Variants in MRPS18C observed in about 807,000 individuals in gnomAD.
MRPS18C encodes small ribosomal subunit protein bS18m.
In MRPS18C, 21 loss-of-function variants were observed where a neutral mutation model predicts 21.0. The observed-to-expected ratio is 1.00, with a 90% CI of 0.71 to 1.44. The LOEUF (loss-of-function observed/expected upper bound fraction) is 1.44. Among genes scored for constraint, MRPS18C ranks in the 40% most tolerant of loss-of-function variants. The pLI is 0.00. For synonymous variants in MRPS18C, 65 were observed against 54.3 expected (o/e 1.20, Z -0.87); for missense variants, 152 against 171.5 (o/e 0.89, Z 0.64).
At chr4:83,459,167 A>T (rs1245801390) in intron 3 of MRPS18C, 3 of 150,498 alleles carry the variant, frequency 2.0e-5, no homozygotes, top group African/African-American at 7.4e-5. Context: ...AAAAAAAAAA[A>T]AGAATTCCAT....
chr4:83,460,154 C>T (rs75379074), intron 4 of MRPS18C: 5,830 of 149,446 alleles, frequency 0.039, 202 homozygotes, highest in Admixed American at 0.097. Context: ...TCATCATATA[C>T]AAATGCCACT....
Position 83,456,106 on chromosome 4 carries a change from G to T in MRPS18C, c.29G>T (p.Gly10Val). 6.2e-7 allele frequency: 1 copy of T among 1,612,926 alleles called. No individual in the cohort carries two copies. Among genetic ancestry groups the T allele is most frequent in the Non-Finnish European group, 8.5e-7 (1 of 1,180,028 alleles). ...GCCGCTGTGGTTGCTGTTTGCGGTG[G>T]TCTAGGGAGGAAGAAGTTGACACAC... MAAVVAVCG[G>V]LGRKKLTHLV... The change falls in exon 1 of 6, where the codon GGT becomes GTT. Residue 10 changes from glycine to valine, a missense_variant. By Grantham distance (109) the Gly-to-Val change is moderately radical. Transcript: ENST00000295491.
At chr4:83,458,161 T>C (rs1383433193) in intron 2 of MRPS18C, 185 bp from the exon 3 acceptor site, 1 of 491,168 alleles carries the variant, frequency 2.0e-6, no homozygotes, top group Non-Finnish European at 3.5e-6. Context: ...TTGTACTTTA[T>C]TCCAGAATCT....
At chr4:83,459,180 A>G (rs1208575532) in intron 3 of MRPS18C, 1 of 147,856 alleles carries the variant, frequency 6.8e-6, no homozygotes, top group Non-Finnish European at 1.5e-5. Flanking sequence ...AATTCCATAT[A>G]TTGACAATAG....
chr4:83,458,088 C>T (rs994882994), intron 2 of MRPS18C: 1 of 361,314 alleles, frequency 2.8e-6, no homozygotes, highest in African/African-American at 2.2e-5. Flanking sequence ...CTGAGCAAAG[C>T]ATTGGAACAC....
intron 4 of MRPS18C, chr4:83,460,452 AC>A (rs111957244): frequency 1.3e-5 from 2 of 152,706 alleles, no homozygotes; most frequent in Admixed American, 1.3e-4. Flanking sequence ...ACTGCACCCA[AC>A]CCCACTTGTT....
At chr4:83,456,287 A>C (rs902770639) in intron 1 of MRPS18C, 110 bp downstream of exon 1, 2 of 937,554 alleles carry the variant, frequency 2.1e-6, no homozygotes, top group Admixed American at 2.2e-5. Flanking sequence ...TAGGCGATTA[A>C]GTTTCTCCAA....
intron 4 of MRPS18C, chr4:83,460,109 A>G (rs1722026218): frequency 5.1e-6 from 1 of 196,766 alleles, no homozygotes; most frequent in African/African-American, 2.3e-5. Context: ...CCCATAGGCC[A>G]AATTCGACCT....
intron 1 of MRPS18C, 48 bp downstream of exon 1, chr4:83,456,225 C>G (rs1267965398): frequency 2.6e-6 from 4 of 1,540,450 alleles, no homozygotes; most frequent in Non-Finnish European, 3.6e-6. Context: ...CAGGCATTAA[C>G]CTTAGTCCTA....
chr4:83,456,284 T>C, intron 1 of MRPS18C, 107 bp downstream of exon 1: 1 of 995,994 alleles, frequency 1.0e-6, no homozygotes, highest in Non-Finnish European at 1.6e-6. Flanking sequence ...TTCTAGGCGA[T>C]TAAGTTTCTC....
rs530330532 is a variant in MRPS18C at position 83,458,639 on chromosome 4, C to T, written c.234+210C>T. The T allele has an allele frequency of 5.0e-5, 21 of 417,340 alleles. No individual in the cohort carries two copies. The East Asian group carries it at 9.4e-4, about 19-fold the overall frequency. 25.9% of individuals were successfully genotyped at this position (417,340 alleles called of 1,614,324 possible). A position where few individuals can be genotyped will look rare whatever the true frequency, so the allele number is the denominator to read the frequency against. ...GGCTTTCCCCCACTTACTGTTATTT[C>T]CACTCTGTTTTTTTCACTACCCCAA... On this transcript the variant is annotated intron_variant, in intron 3 of 5. Coordinates refer to ENST00000295491, the MANE Select transcript of MRPS18C (RefSeq NM_016067.4).
chr4:83,460,200 CA>C (rs1317595885), intron 4 of MRPS18C: 1 of 153,404 alleles, frequency 6.5e-6, no homozygotes, highest in African/African-American at 2.4e-5. Context: ...CACTGTCACC[CA>C]GGCTGGAGTG....
chr4:83,459,600 AT>A (rs1467879607), intron 3 of MRPS18C, 139 bp from the exon 4 acceptor site: 4 of 684,764 alleles, frequency 5.8e-6, no homozygotes, highest in Admixed American at 3.1e-5. Flanking sequence ...GGATAACAAT[AT>A]TTTTTTCTTA....
intron 2 of MRPS18C, 91 bp downstream of exon 2, chr4:83,457,049 A>G: frequency 6.4e-6 from 7 of 1,088,838 alleles, no homozygotes; most frequent in Non-Finnish European, 9.5e-6. Context: ...AGACTCTAAC[A>G]TCTTTTATTT....
At chr4:83,456,265 G>A in intron 1 of MRPS18C, 88 bp downstream of exon 1, 11 of 1,136,494 alleles carry the variant, frequency 9.7e-6, no homozygotes, top group Non-Finnish European at 1.4e-5. Context: ...TTAGCAAAAC[G>A]ACTCTGGTTT....
Position 83,456,208 on chromosome 4 carries a change from A to G in MRPS18C, c.100+31A>G, listed in dbSNP as rs778019484. On this transcript the variant is annotated intron_variant, in intron 1 of 5. Coordinates refer to ENST00000295491, the MANE Select transcript of MRPS18C (RefSeq NM_016067.4). The stretch of plus-strand genomic sequence containing the variant: ...GTCTCCATATCCTATGCTCCATTGT[A>G]GCGCTGCAGGCATTAACCTTAGTCC... 2.5e-6 allele frequency: 4 copies of G among 1,577,990 alleles called. No homozygotes were observed. The Admixed American group carries it at 5.0e-5, about 20-fold the overall frequency.
At chr4:83,458,655 A>G (rs1480594456) in intron 3 of MRPS18C, 1 of 394,374 alleles carries the variant, frequency 2.5e-6, no homozygotes, top group Non-Finnish European at 4.5e-6. Context: ...TGTTTTTTTC[A>G]CTACCCCAAA....
At chr4:83,456,884 A>T (rs1436829055) in intron 1 of MRPS18C, 25 bp from the exon 2 acceptor site, 1 of 1,608,058 alleles carries the variant, frequency 6.2e-7, no homozygotes, top group African/African-American at 1.3e-5. Flanking sequence ...AGAAATGGTT[A>T]ATTGCTGTTT....
chr4:83,458,355 A>G lies in MRPS18C; in HGVS notation c.160A>G (p.Met54Val). Residue 54 changes from methionine (M) to valine (V), a missense_variant, in exon 3 of 6, where the codon ATG becomes GTG. By Grantham distance (21) the Met-to-Val change is conservative. Around this residue, in one of 2 missense-constraint regions of MRPS18C, gnomAD observed 118 missense variants for 104.4 expected, o/e 1.13. Coordinates refer to ENST00000295491, the MANE Select transcript of MRPS18C (RefSeq NM_016067.4). ...VSSNEDLPIS[M>V]ENPYKEPLKK... ...TCGTTTTTTTCCCTAGCCCATTTCA[A>G]TGGAAAATCCTTATAAAGAACCTCT... 1.3e-6 allele frequency: 2 copies of G among 1,597,872 alleles called. No homozygotes were observed. Among genetic ancestry groups the G allele is most frequent in the South Asian group, 1.1e-5 (1 of 89,726 alleles).
Sources: allele counts gnomAD v4.1 joint callset, GRCh38; gene constraint gnomAD v4.1.1; regional missense constraint gnomAD v4.1.1; transcripts MANE v1.5; gene names NCBI Gene and HGNC (gene_info 2026-07-23, HGNC 2026-07-21).